Variants in KIFBP observed in about 807,000 individuals in gnomAD.
The protein encoded by KIFBP is KIF-binding protein.
A neutral mutation model predicts 58.9 loss-of-function variants in KIFBP; 46 were observed. The ratio of observed to expected loss-of-function variants is 0.78; its 90% confidence interval spans 0.62 to 1.00. KIFBP has a LOEUF of 1.00. Among genes scored for constraint, KIFBP ranks in the 50% least tolerant of loss-of-function variants. The pLI is 0.00. For missense variants in KIFBP, 651 were observed against 752.9 expected (o/e 0.86, Z 1.58); for synonymous variants, 241 against 283.4 (o/e 0.85, Z 1.50).
chr10:69,008,419 T>TATATATATATATATATATATATATATATA (rs1564637637), intron 4 of KIFBP, among the ~76,000 whole-genome samples: 1 of 137,616 alleles, frequency 7.3e-6, no homozygotes, highest in Admixed American at 7.3e-5. Flanking sequence ...TATATATATA[T>TATATATATATATATATATATATATATATA]TCAGTCTTCT....
Position 69,015,955 on chromosome 10 carries a change from G to A in KIFBP, c.1405G>A (p.Val469Ile). The stretch of plus-strand genomic sequence containing the variant: ...CCTGAATCCACAGTATTATCTGTTG[G>A]TCAACAGACAGATCCAGTTTGAAAT... ...VDLNPQYYLL[V>I]NRQIQFEIAH... The change falls in exon 7 of 7, where the codon GTC becomes ATC. Residue 469 changes from valine (V) to isoleucine (I), a missense_variant. By Grantham distance (29) the Val-to-Ile change is conservative. Coordinates refer to ENST00000361983, the MANE Select transcript of KIFBP (RefSeq NM_015634.4). 6.2e-7 allele frequency: 1 copy of A among 1,614,060 alleles called. No homozygotes were observed. The highest frequency in any genetic ancestry group is 1.1e-5 in the South Asian group (1 of 91,084).
At chr10:68,994,889 A>G (rs1843387876) in intron 1 of KIFBP, among the ~76,000 whole-genome samples, 1 of 150,600 alleles carries the variant, frequency 6.6e-6, no homozygotes, top group Non-Finnish European at 1.5e-5. Flanking sequence ...CTTGCCCCCA[A>G]CCCTGCATTT....
chr10:68,991,630 G>A lies in KIFBP; in HGVS notation c.426+2372G>A, dbSNP rs569845784. The A allele has an allele frequency of 1.9e-4, 55 of 293,704 alleles. 2 individuals carry two copies. Among genetic ancestry groups the A allele is most frequent in the South Asian group, 1.7e-3 (53 of 30,824 alleles). The allele number at this position is 293,704 out of a possible 1,614,324, so 18.2% of individuals were successfully genotyped here. ...CCATCAAGGCTCCTTGGTCTACCTT[G>A]AGCAGGCATTCAATATCCCTGCACT... On this transcript the variant is annotated intron_variant, in intron 1 of 6. Transcript: ENST00000361983.
At chr10:68,996,829 G>A (rs190234648) in intron 1 of KIFBP, among the ~76,000 whole-genome samples, 16 of 152,160 alleles carry the variant, frequency 1.1e-4, no homozygotes, top group Admixed American at 4.6e-4. Context: ...CTCCAGCCTG[G>A]GCAACAGAGT....
chr10:69,014,996 T>C (rs1178146865), intron 6 of KIFBP, among the ~76,000 whole-genome samples: 1 of 152,056 alleles, frequency 6.6e-6, no homozygotes, highest in Admixed American at 6.6e-5. Context: ...AATCTCCACT[T>C]ACTGCAACCT....
intron 6 of KIFBP, chr10:69,011,362 A>G (rs1373697734): frequency 2.7e-5 from 5 of 188,212 alleles, no homozygotes. Flanking sequence ...GTTAGAATAT[A>G]AGCTTCTTGA....
At chr10:69,015,385 A>G (rs1838983727) in intron 6 of KIFBP, 156 bp from the exon 7 acceptor site, 1 of 620,858 alleles carries the variant, frequency 1.6e-6, no homozygotes, top group Non-Finnish European at 2.7e-6. Context: ...AGAAAGAAAG[A>G]AGTTTTCAAA....
At chr10:69,008,759 A>G (rs1010703593) in intron 4 of KIFBP, 82 bp from the exon 5 acceptor site, 2 of 1,075,342 alleles carry the variant, frequency 1.9e-6, no homozygotes, top group South Asian at 1.2e-5. Flanking sequence ...ACCTTTTCCC[A>G]TATTAAAAGA....
intron 1 of KIFBP, among the ~76,000 whole-genome samples, chr10:68,990,880 CAGA>C (rs1455555123): frequency 1.3e-5 from 2 of 152,042 alleles, no homozygotes; most frequent in Admixed American, 6.5e-5. Flanking sequence ...TACATCCAAA[CAGA>C]AGAACAGTAC....
intron 2 of KIFBP, among the ~76,000 whole-genome samples, chr10:69,001,749 CAA>C (rs11321915): frequency 7.6e-4 from 93 of 122,146 alleles, no homozygotes; most frequent in African/African-American, 2.5e-3. Flanking sequence ...GACCCTGTCT[CAA>C]AAAAAAAAAA....
chr10:69,005,947 T>TAGTTATACTC, intron 4 of KIFBP, 32 bp downstream of exon 4: 2 of 1,573,806 alleles, frequency 1.3e-6, no homozygotes, highest in South Asian at 2.2e-5. Context: ...TCTAACAGAG[T>TAGTTATACTC]ACCAATAGTG....
chr10:69,001,749 CA>C (rs11321915), intron 2 of KIFBP, among the ~76,000 whole-genome samples: 14,846 of 121,732 alleles, frequency 0.12, 810 homozygotes, highest in African/African-American at 0.2. Context: ...GACCCTGTCT[CA>C]AAAAAAAAAA....
At chr10:69,009,026 A>G in intron 5 of KIFBP, 101 bp downstream of exon 5, 1 of 889,306 alleles carries the variant, frequency 1.1e-6, no homozygotes, top group East Asian at 2.6e-5. Flanking sequence ...GAGCTATCAT[A>G]TGCCCTTCTA....
intron 1 of KIFBP, chr10:68,991,613 G>T (rs528722723): frequency 1.2e-5 from 4 of 335,478 alleles, no homozygotes; most frequent in Non-Finnish European, 1.9e-5. Context: ...ATCCATCAAG[G>T]CTCCTTGGTC....
chr10:69,015,821 A>G lies in KIFBP; in HGVS notation c.1271A>G (p.Gln424Arg), dbSNP rs1014919970. 1 of 1,614,236 alleles carries G rather than the reference A, an allele frequency of 6.2e-7. No individual in the cohort carries two copies. The highest frequency in any genetic ancestry group is 8.5e-7 in the Non-Finnish European group (1 of 1,180,050). ...GYVTDHIEVV[Q>R]DHSALFKVLA... is the part of the protein sequence containing the mutation. ...GTCACTGACCATATTGAAGTTGTCC[A>G]AGACCACAGTGCTCTGTTTAAGGTG... Residue 424 changes from glutamine to arginine, a missense_variant, in exon 7 of 7, where the codon CAA (glutamine) becomes CGA (arginine). Transcript: ENST00000361983.
In KIFBP at chr10:69,000,157, G is replaced by GT. The variant is rs140960052; in HGVS notation, c.427-266dup. On this transcript the variant is annotated intron_variant, in intron 1 of 6. Coordinates refer to ENST00000361983, the MANE Select transcript of KIFBP (RefSeq NM_015634.4). ...CCATCACTTCTGTGATAGTCTAGTC[G>GT]TGAGAAGCACATCACTAAAACCAGC... Among the ~76,000 whole-genome samples, 12 of 151,888 alleles carry GT rather than the reference G, an allele frequency of 7.9e-5. No homozygotes were observed. The East Asian group carries it at 2.3e-3, about 29-fold the overall frequency.
intron 1 of KIFBP, among the ~76,000 whole-genome samples, chr10:68,997,338 T>G (rs965942354): frequency 6.6e-6 from 1 of 152,234 alleles, no homozygotes; most frequent in African/African-American, 2.4e-5. Flanking sequence ...ATCTTCAGTC[T>G]TGGAGGAGAA....
At chr10:69,009,540 C>G (rs1843570146) in intron 5 of KIFBP, among the ~76,000 whole-genome samples, 1 of 152,070 alleles carries the variant, frequency 6.6e-6, no homozygotes. Flanking sequence ...CCTTTCTTTC[C>G]CTTTCATCAC....
intron 1 of KIFBP, among the ~76,000 whole-genome samples, chr10:68,992,591 A>G (rs1376417735): frequency 6.6e-6 from 1 of 152,212 alleles, no homozygotes; most frequent in African/African-American, 2.4e-5. Flanking sequence ...ATCCTGGGTT[A>G]GCGTAGTAAC....
Sources: allele counts gnomAD v4.1 joint callset (sites outside exome capture counted in the v4.1 genomes callset), GRCh38; gene constraint gnomAD v4.1.1; transcripts MANE v1.5; gene names NCBI Gene and HGNC (gene_info 2026-07-23, HGNC 2026-07-21).